Variants in GLUD1 observed in about 807,000 individuals in gnomAD.
GLUD1 encodes the protein glutamate dehydrogenase 1, also known as glutamate dehydrogenase 1, mitochondrial.
A neutral mutation model predicts 56.0 loss-of-function variants in GLUD1; 22 were observed. The observed-to-expected ratio is 0.39, with a 90% CI of 0.28 to 0.56. The LOEUF is 0.56. Among genes scored for constraint, GLUD1 ranks in the 20% least tolerant of loss-of-function variants. GLUD1 has a pLI of 0.58. For synonymous variants in GLUD1, 223 were observed against 269.9 expected (o/e 0.83, Z 1.70); for missense variants, 451 against 732.0 (o/e 0.62, Z 4.43).
intron 1 of GLUD1, among the ~76,000 whole-genome samples, chr10:87,083,971 G>T (rs886861885): frequency 1.3e-5 from 2 of 152,208 alleles, no homozygotes; most frequent in African/African-American, 4.8e-5. Flanking sequence ...GGAGTCCACG[G>T]CTGGCTAAGC....
rs562323666 is a variant in GLUD1, at chr10:87,056,451, G to A, written c.1494+1240C>T. On this transcript the variant is annotated intron_variant, in intron 11 of 12. Coordinates refer to ENST00000277865, the MANE Select transcript of GLUD1 (RefSeq NM_005271.5). ...TGGGACTACAGGTGCGTGCCACCAT[G>A]CCTGGCTAATTTTTTGTATTTTTAG... 8.7e-4 allele frequency among the ~76,000 whole-genome samples: 133 copies of A among 152,028 alleles called. 4 individuals are homozygous for A. The South Asian group carries it at 0.027, about 31-fold the overall frequency.
At position 87,051,214 on chromosome 10, in the gene GLUD1, GAAT is replaced by G. The variant is rs1378193586; in HGVS notation, c.*534_*536del. On this transcript the variant is annotated 3_prime_UTR_variant, in exon 13 of 13. Transcript: ENST00000277865. ...AGCATGTACTTATTCTATTCTAAAAGAATAATATTCATAAACAGAAACAGGTTT... is the reference window on the plus strand; with the variant it reads ...AGCATGTACTTATTCTATTCTAAAAGAATATTCATAAACAGAAACAGGTTT... The G allele has an allele frequency of 5.4e-6, 1 of 184,314 alleles. No homozygotes were observed. Among genetic ancestry groups the G allele is most frequent in the African/African-American group, 2.4e-5 (1 of 41,792 alleles). The allele number at this position is 184,314 out of a possible 1,614,324, so 11.4% of individuals were successfully genotyped here.
chr10:87,084,725 GAACT>G (rs1242725619), intron 1 of GLUD1, among the ~76,000 whole-genome samples: 1 of 152,050 alleles, frequency 6.6e-6, no homozygotes, highest in Non-Finnish European at 1.5e-5. Flanking sequence ...CACTTTTCAG[GAACT>G]ATTTATTCAG....
At chr10:87,081,039 G>A (rs1170164786) in intron 1 of GLUD1, among the ~76,000 whole-genome samples, 9 of 109,768 alleles carry the variant, frequency 8.2e-5, no homozygotes, top group African/African-American at 1.6e-4. Flanking sequence ...CCCCCCGCCC[G>A]GCCAGCCGCC....
At chr10:87,083,757 G>A (rs1841318438) in intron 1 of GLUD1, among the ~76,000 whole-genome samples, 1 of 152,192 alleles carries the variant, frequency 6.6e-6, no homozygotes, top group Non-Finnish European at 1.5e-5. Context: ...GGCTGAGGCA[G>A]AAGAACTTGA....
At chr10:87,069,502 A>G (rs1482538998) in intron 4 of GLUD1, among the ~76,000 whole-genome samples, 228 of 150,748 alleles carry the variant, frequency 1.5e-3, no homozygotes, top group Non-Finnish European at 2.9e-3. Context: ...GCGACAGAGT[A>G]AGACTCTGTT....
intron 5 of GLUD1, among the ~76,000 whole-genome samples, chr10:87,066,208 C>T (rs944656086): frequency 5.9e-5 from 9 of 152,106 alleles, no homozygotes; most frequent in African/African-American, 1.4e-4. Flanking sequence ...TGCTTCTCTC[C>T]GGTGCCATTT....
chr10:87,071,899 ACAT>A (rs538265609), intron 4 of GLUD1, among the ~76,000 whole-genome samples: 129 of 152,362 alleles, frequency 8.5e-4, no homozygotes, highest in African/African-American at 3.0e-3. Flanking sequence ...GAACTACAAA[ACAT>A]CATTGAAAGA....
intron 1 of GLUD1, among the ~76,000 whole-genome samples, chr10:87,082,988 C>A (rs144979758): frequency 1.3e-5 from 2 of 152,156 alleles, no homozygotes. Context: ...CGCCTATAAT[C>A]CCAGCACTTT....
chr10:87,058,630 C>A (rs1299516382), intron 10 of GLUD1, among the ~76,000 whole-genome samples: 1 of 152,180 alleles, frequency 6.6e-6, no homozygotes, highest in Non-Finnish European at 1.5e-5. Context: ...CAGTGGCTCA[C>A]GCCTGTAATC....
At chr10:87,076,736 A>C in intron 1 of GLUD1, 80 bp from the exon 2 acceptor site, 1 of 851,838 alleles carries the variant, frequency 1.2e-6, no homozygotes. Flanking sequence ...AGTAAGCTTC[A>C]AAAAAGAAAG....
chr10:87,090,845 T>C (rs191019134), intron 1 of GLUD1, among the ~76,000 whole-genome samples: 1 of 152,284 alleles, frequency 6.6e-6, no homozygotes, highest in Admixed American at 6.5e-5. Context: ...CACAGCAAAA[T>C]AAGTCAGAAA....
intron 1 of GLUD1, among the ~76,000 whole-genome samples, chr10:87,080,394 C>T (rs1445276515): frequency 5.3e-5 from 8 of 151,858 alleles, no homozygotes; most frequent in South Asian, 2.1e-4. Flanking sequence ...TCTGCCTGGC[C>T]GCCCATCGTC....
At chr10:87,060,379 T>A in intron 8 of GLUD1, 138 bp from the exon 9 acceptor site, 1 of 767,780 alleles carries the variant, frequency 1.3e-6, no homozygotes, top group Non-Finnish European at 2.4e-6. Flanking sequence ...AGAGGTTATT[T>A]TTCTCTGCCA....
chr10:87,062,459 A>G (rs1397643050), intron 6 of GLUD1, among the ~76,000 whole-genome samples, 197 bp downstream of exon 6: 1 of 152,196 alleles, frequency 6.6e-6, no homozygotes, highest in Non-Finnish European at 1.5e-5. Context: ...TGTACTTGAG[A>G]GATACTTAAA....
intron 1 of GLUD1, among the ~76,000 whole-genome samples, chr10:87,078,571 C>CCGA (rs1841115830): frequency 6.6e-6 from 1 of 152,172 alleles, no homozygotes; most frequent in Admixed American, 6.5e-5. Context: ...ATATATTAGG[C>CCGA]ACTCAAATAC....
intron 9 of GLUD1, 82 bp from the exon 10 acceptor site, chr10:87,059,355 A>G: frequency 7.5e-7 from 1 of 1,332,938 alleles, no homozygotes; most frequent in Non-Finnish European, 1.1e-6. Context: ...CTTAATTTCA[A>G]TACCAAGGTA....
intron 3 of GLUD1, among the ~76,000 whole-genome samples, chr10:87,075,740 G>A (rs1295562165): frequency 6.6e-6 from 1 of 152,146 alleles, no homozygotes; most frequent in Non-Finnish European, 1.5e-5. Context: ...TGGCCAACAT[G>A]GTGAAATCCC....
At chr10:87,093,408 A>T (rs768935189) in intron 1 of GLUD1, among the ~76,000 whole-genome samples, 1 of 150,592 alleles carries the variant, frequency 6.6e-6, no homozygotes, top group South Asian at 2.1e-4. Flanking sequence ...ATTGGGGGGA[A>T]AAAAGCTCTT....
Sources: allele counts gnomAD v4.1 joint callset (sites outside exome capture counted in the v4.1 genomes callset), GRCh38; gene constraint gnomAD v4.1.1; transcripts MANE v1.5; gene names NCBI Gene and HGNC (gene_info 2026-07-23, HGNC 2026-07-21).